ZFAT: variants seen among roughly 807,000 people sequenced by gnomAD.
The protein encoded by ZFAT is zinc finger and AT-hook domain containing, also known as zinc finger protein ZFAT.
Under a neutral mutation model 117.7 loss-of-function variants are expected in ZFAT, and 64 were observed. That is an observed-to-expected ratio of 0.54 (90% CI 0.44 to 0.67). The LOEUF (loss-of-function observed/expected upper bound fraction) is 0.67. Ranked by LOEUF, ZFAT falls within the 30% of genes least tolerant of loss-of-function variation. The probability of loss-of-function intolerance (pLI) is 0.00; values close to 1 mark genes in which losing one functional copy is unlikely to be tolerated. For missense variants in ZFAT, 1,433 were observed against 1,584.5 expected (o/e 0.90, Z 1.62); for synonymous variants, 679 against 615.0 (o/e 1.10, Z -1.54).
At chr8:134,619,840 GGAGAA>G (rs1828992137) in intron 3 of ZFAT, among the ~76,000 whole-genome samples, 1 of 152,302 alleles carries the variant, frequency 6.6e-6, no homozygotes, top group Non-Finnish European at 1.5e-5. Flanking sequence ...AGCTCGGTGA[GGAGAA>G]GAGGTGACTG....
At chr8:134,518,775 T>C (rs1173058754) in intron 13 of ZFAT, among the ~76,000 whole-genome samples, 1 of 152,120 alleles carries the variant, frequency 6.6e-6, no homozygotes, top group Non-Finnish European at 1.5e-5. Flanking sequence ...ATATTACTGT[T>C]TCTATATTTA....
intron 1 of ZFAT, among the ~76,000 whole-genome samples, chr8:134,658,227 C>T (rs939680785): frequency 2.0e-4 from 30 of 151,448 alleles, no homozygotes; most frequent in African/African-American, 6.6e-4. Context: ...GGCCCAGCTA[C>T]TCGGGAGGCT....
chr8:134,499,703 T>A (rs2130254342), intron 15 of ZFAT, among the ~76,000 whole-genome samples: 1 of 152,336 alleles, frequency 6.6e-6, no homozygotes, highest in South Asian at 2.1e-4. Flanking sequence ...GACTCTGCAT[T>A]TCTCACAAGC....
chr8:134,713,072 G>A (rs1814086413), upstream of ZFAT: 9 of 508,132 alleles, frequency 1.8e-5, no homozygotes, highest in Non-Finnish European at 2.5e-5. Flanking sequence ...AGACGCCTGC[G>A]TAGCGGACGT....
chr8:134,747,397 A>G, the ZFAT span, among the ~76,000 whole-genome samples: 1 of 152,190 alleles, frequency 6.6e-6, no homozygotes, highest in Non-Finnish European at 1.5e-5. Flanking sequence ...GCCTCTAAAG[A>G]TCTTTAGAGT....
At chr8:134,684,082 A>C (rs1833199730) in intron 1 of ZFAT, among the ~76,000 whole-genome samples, 1 of 152,144 alleles carries the variant, frequency 6.6e-6, no homozygotes, top group Non-Finnish European at 1.5e-5. Context: ...ACAGGGGAAA[A>C]GCCAAGGAAA....
chr8:134,794,020 T>C, the ZFAT span: 9 of 152,204 alleles, frequency 5.9e-5, no homozygotes, highest in Non-Finnish European at 8.8e-5. Context: ...ATAGTAAAGA[T>C]AGAGATATCT....
chr8:134,824,200 G>A, the ZFAT span, among the ~76,000 whole-genome samples: 1 of 152,188 alleles, frequency 6.6e-6, no homozygotes, highest in Admixed American at 6.5e-5. Context: ...TTCCATGTGC[G>A]AAGGCATGCA....
chr8:134,648,734 T>G (rs1238509207), intron 2 of ZFAT, among the ~76,000 whole-genome samples: 1 of 152,070 alleles, frequency 6.6e-6, no homozygotes, highest in African/African-American at 2.4e-5. Context: ...CACCAATACT[T>G]AAAAATTTTT....
At chr8:134,486,984 G>A (rs1191448275) in intron 15 of ZFAT, among the ~76,000 whole-genome samples, 2 of 152,180 alleles carry the variant, frequency 1.3e-5, no homozygotes, top group Non-Finnish European at 2.9e-5. Flanking sequence ...GTGTCCATGT[G>A]TGTATATGTA....
At position 134,478,828 on chromosome 8, in the gene ZFAT, ACG is replaced by A; in HGVS notation, c.3493-109_3493-108del. On this transcript the variant is annotated intron_variant, in intron 15 of 15. Transcript: ENST00000377838. The surrounding 1 kb of genome is among the most constrained non-coding windows in gnomAD (Gnocchi z 5.2). ...GGAGGCACCAGTGCGCTGCGGGAGC[ACG>A]TCCATTCTCCACGGATCCTCTCTAC... 1 of 1,445,718 alleles carries A rather than the reference ACG, an allele frequency of 6.9e-7. No homozygotes were observed. The highest frequency in any genetic ancestry group is 1.4e-5 in the South Asian group (1 of 73,488). 89.6% of individuals were successfully genotyped at this position (1,445,718 alleles called of 1,614,324 possible).
intron 1 of ZFAT, among the ~76,000 whole-genome samples, chr8:134,679,936 G>A (rs1171730561): frequency 6.6e-6 from 1 of 151,138 alleles, no homozygotes; most frequent in Admixed American, 6.6e-5. Flanking sequence ...TGGGGCCTGT[G>A]GGGGGTTGGG....
At chr8:134,676,535 A>G (rs1832814117) in intron 1 of ZFAT, among the ~76,000 whole-genome samples, 1 of 152,214 alleles carries the variant, frequency 6.6e-6, no homozygotes, top group African/African-American at 2.4e-5. Context: ...TAGACAGATC[A>G]ATGAGATGGA....
chr8:134,632,650 A>T (rs1829963788), intron 3 of ZFAT, among the ~76,000 whole-genome samples: 1 of 152,256 alleles, frequency 6.6e-6, no homozygotes, highest in African/African-American at 2.4e-5. Flanking sequence ...AAAATGTAAA[A>T]GATACATTTG....
At chr8:134,640,995 T>TA (rs1830548913) in intron 2 of ZFAT, among the ~76,000 whole-genome samples, 1 of 152,166 alleles carries the variant, frequency 6.6e-6, no homozygotes, top group Non-Finnish European at 1.5e-5. Context: ...GACTTTGCCC[T>TA]AAAGATGTCT....
At chr8:134,525,668 T>C (rs1250735771) in intron 12 of ZFAT, among the ~76,000 whole-genome samples, 1 of 152,182 alleles carries the variant, frequency 6.6e-6, no homozygotes, top group African/African-American at 2.4e-5. Flanking sequence ...AAAGAGTCAC[T>C]AGTACAGAGG....
At chr8:134,574,205 C>T (rs983989987) in intron 10 of ZFAT, among the ~76,000 whole-genome samples, 2 of 152,124 alleles carry the variant, frequency 1.3e-5, no homozygotes, top group African/African-American at 4.8e-5. Flanking sequence ...TGGGCTCAAG[C>T]AGGAAGTTAT....
At chr8:134,675,623 C>T (rs17862158) in intron 1 of ZFAT, among the ~76,000 whole-genome samples, 16,100 of 152,154 alleles carry the variant, frequency 0.11, 1,080 homozygotes, top group Non-Finnish European at 0.16. Flanking sequence ...GAATATTCCT[C>T]GAGAAGAGCA....
the ZFAT span, among the ~76,000 whole-genome samples, chr8:134,798,783 A>G: frequency 6.6e-6 from 1 of 152,140 alleles, no homozygotes; most frequent in South Asian, 2.1e-4. Flanking sequence ...CCTACAGGCT[A>G]TTTTGTAGCC....
Sources: gnomAD v4.1 joint callset for allele counts (sites outside exome capture counted in the v4.1 genomes callset) on GRCh38, gnomAD v4.1.1 for gene constraint, Gnocchi (gnomAD v3.1) non-coding constraint, MANE v1.5 for transcripts, NCBI Gene and HGNC (gene_info 2026-07-23, HGNC 2026-07-21) for gene names.